Variants in PIAS3 observed in about 807,000 individuals in gnomAD.
The protein encoded by PIAS3 is E3 SUMO-protein ligase PIAS3.
Under a neutral mutation model 67.6 loss-of-function variants are expected in PIAS3, and 34 were observed. The observed-to-expected ratio is 0.50, with a 90% CI of 0.38 to 0.67. The LOEUF is 0.67. PIAS3 is among the 30% of genes least tolerant of loss of function. PIAS3 has a pLI of 0.00. For missense variants in PIAS3, 693 were observed against 791.6 expected, an observed-to-expected ratio of 0.88 and a Z score of 1.49; for synonymous variants, 341 against 313.8, an observed-to-expected ratio of 1.09 and a Z score of -0.92.
Position 145,856,426 on chromosome 1 carries a change from T to A in PIAS3, c.448A>T (p.Thr150Ser), listed in dbSNP as rs1349315387. Residue 150 changes from threonine (T) to serine (S), a missense_variant, in exon 3 of 14, where the codon ACT becomes TCT. Thr to Ser is a moderately conservative substitution (Grantham distance 58, BLOSUM62 1). Transcript: ENST00000393045. Reference protein sequence around the residue: ...ELIRPTTLASTSSQRFEEAHF... With the variant: ...ELIRPTTLASSSSQRFEEAHF... Reference sequence around the variant, plus strand: ...GCTTCCTCAAACCGCTGGCTAGAAGTGGATGCTGAGGATACAAAGGGGCAG... The same window carrying A: ...GCTTCCTCAAACCGCTGGCTAGAAGAGGATGCTGAGGATACAAAGGGGCAG... 8.7e-6 allele frequency: 14 copies of A among 1,613,792 alleles called. No individual in the cohort carries two copies. The highest frequency in any genetic ancestry group is 1.2e-5 in the Non-Finnish European group (14 of 1,179,920).
At chr1:145,851,424 G>A (rs943391420) in intron 9 of PIAS3, 1 of 352,640 alleles carries the variant, frequency 2.8e-6, no homozygotes, top group African/African-American at 2.0e-5. Flanking sequence ...GGGAGGTACA[G>A]GCAGGTGAAT....
intron 9 of PIAS3, 157 bp from the exon 10 acceptor site, chr1:145,851,310 A>G: frequency 1.4e-6 from 1 of 728,770 alleles, no homozygotes; most frequent in Non-Finnish European, 2.4e-6. Context: ...GGAATCAAAT[A>G]ACACAAGGTA....
At chr1:145,851,239 TCA>T (rs1432718935) in intron 9 of PIAS3, 86 bp from the exon 10 acceptor site, 3 of 1,329,648 alleles carry the variant, frequency 2.3e-6, no homozygotes, top group East Asian at 4.6e-5. Flanking sequence ...TTCCTGTATC[TCA>T]GTTTCCTCAT....
chr1:145,853,419 A>AAG, intron 9 of PIAS3, 85 bp downstream of exon 9: 7 of 1,163,338 alleles, frequency 6.0e-6, no homozygotes, highest in Non-Finnish European at 6.0e-6. Flanking sequence ...CAAAAAAAAA[A>AAG]AAAAGAAAAG....
rs782679410 is a variant in PIAS3 at position 145,854,889 on chromosome 1, G to A, written c.670-9C>T. The A allele has an allele frequency of 3.3e-5, 53 of 1,613,952 alleles. No homozygotes were observed. The highest frequency in any genetic ancestry group is 1.6e-4 in the Middle Eastern group (1 of 6,070). The stretch of plus-strand genomic sequence containing the variant: ...GTTGGGGGAAGGTAACCCTGGAGAA[G>A]GGAGGGATTGGTCAGTGGAGAAGTG... On this transcript the variant is annotated splice_polypyrimidine_tract_variant and intron_variant, in intron 5 of 13. Transcript: ENST00000393045.
chr1:145,851,655 CA>C (rs1188623126), intron 9 of PIAS3, among the ~76,000 whole-genome samples: 120 of 41,810 alleles, frequency 2.9e-3, no homozygotes, highest in East Asian at 4.8e-3. Flanking sequence ...GGCTCTGCCT[CA>C]AAAAAAAAAA....
At position 145,848,526 on chromosome 1, in the gene PIAS3, A is replaced by G. The variant is rs587651169; in HGVS notation, c.*920T>C. The stretch of plus-strand genomic sequence containing the variant: ...CCCATCTCCATGACACTCACAGAAC[A>G]TTCACAACCTTTATTATGGGTGAGA... On this transcript the variant is annotated 3_prime_UTR_variant, in exon 14 of 14. Transcript: ENST00000393045. 1 of 1,271,070 alleles carries G rather than the reference A, an allele frequency of 7.9e-7. No individual in the cohort carries two copies. The highest frequency in any genetic ancestry group is 1.5e-5 in the African/African-American group (1 of 67,566). The allele number at this position is 1,271,070 out of a possible 1,614,324, so 78.7% of individuals were successfully genotyped here.
intron 13 of PIAS3, chr1:145,850,004 G>C (rs182983623): frequency 7.0e-7 from 1 of 1,437,178 alleles, no homozygotes; most frequent in African/African-American, 1.4e-5. Context: ...GGGGGTAGGG[G>C]TGAGTAGGCC....
intron 1 of PIAS3, among the ~76,000 whole-genome samples, chr1:145,858,479 T>C (rs904337444): frequency 1.4e-5 from 2 of 145,966 alleles, no homozygotes; most frequent in African/African-American, 2.6e-5. Context: ...AGCCTACTGG[T>C]ATTTCCCAAA....
At position 145,854,875 on chromosome 1, in the gene PIAS3, G is replaced by A; in HGVS notation, c.675C>T (p.Tyr225=). 1.9e-6 allele frequency: 3 copies of A among 1,614,174 alleles called. No individual in the cohort carries two copies. Among genetic ancestry groups the A allele is most frequent in the South Asian group, 1.1e-5 (1 of 91,082 alleles). Residue 225 remains tyrosine (Y), a synonymous_variant, in exon 6 of 14, where the codon TAC becomes TAT. Coordinates refer to ENST00000393045, the MANE Select transcript of PIAS3 (RefSeq NM_006099.3). The stretch of plus-strand genomic sequence containing the variant: ...CGGCCCCATTCTTGGTTGGGGGAAG[G>A]TAACCCTGGAGAAGGGAGGGATTGG... ...VNGKLCPLPG[Y]LPPTKNGAEP...
chr1:145,849,477 C>T lies in PIAS3; in HGVS notation c.1856G>A (p.Gly619Asp). 6.6e-7 allele frequency: 1 copy of T among 1,511,000 alleles called. No homozygotes were observed. 93.6% of individuals were successfully genotyped at this position (1,511,000 alleles called of 1,614,324 possible). A position where few individuals can be genotyped will look rare whatever the true frequency, so the allele number is the denominator to read the frequency against. The change falls in exon 14 of 14, where the codon GGC (glycine) becomes GAC (aspartate). Residue 619 changes from glycine (G) to aspartate (D), a missense_variant. This residue lies in a region of PIAS3 where 270 missense variants were observed against 261.0 expected (regional missense o/e 1.03). Coordinates refer to ENST00000393045, the MANE Select transcript of PIAS3 (RefSeq NM_006099.3). ...GPLPSGPSLT[G>D]CRSDIISLD is the part of the protein sequence containing the mutation. ...CAGGGAAATGATGTCTGACCGACAG[C>T]CAGTCAAAGAGGGACCTGAGGGCAG...
In PIAS3 at chr1:145,849,433, T is replaced by C. The variant is rs1553733539; in HGVS notation, c.*13A>G. On this transcript the variant is annotated 3_prime_UTR_variant, in exon 14 of 14. Transcript: ENST00000393045. The stretch of plus-strand genomic sequence containing the variant: ...GTGTTGGGGGACAGCGAAGTTTCCA[T>C]AATCCAGGGAACTCAGTCCAGGGAA... 8.1e-6 allele frequency: 12 copies of C among 1,481,286 alleles called. No homozygotes were observed. The highest frequency in any genetic ancestry group is 1.1e-5 in the Non-Finnish European group (12 of 1,120,876). 91.8% of individuals were successfully genotyped at this position (1,481,286 alleles called of 1,614,324 possible).
chr1:145,854,207 A>C (rs1653071078), intron 7 of PIAS3: 17 of 596,360 alleles, frequency 2.9e-5, no homozygotes, highest in Non-Finnish European at 4.8e-5. Context: ...CCCATATTCT[A>C]GCAGGGCTGG....
intron 9 of PIAS3, among the ~76,000 whole-genome samples, chr1:145,852,798 G>A (rs150820283): frequency 9.2e-4 from 140 of 152,122 alleles, no homozygotes; most frequent in African/African-American, 3.3e-3. Context: ...GGTCTACTAT[G>A]TTGCCCAGGC....
intron 9 of PIAS3, among the ~76,000 whole-genome samples, 163 bp downstream of exon 9, chr1:145,853,341 T>C (rs1570774912): frequency 7.0e-6 from 1 of 143,008 alleles, no homozygotes; most frequent in Admixed American, 7.1e-5. Context: ...ACCCGGGAGG[T>C]GGAGGTTGCA....
rs782315481 is a variant in PIAS3 at position 145,849,528 on chromosome 1, G to A, written c.1805C>T (p.Ala602Val). ...GGGTCCTCCATGCCCCTCCCTCAAG[G>A]CCCCCCCAGGGGCCACAATGCTGCT... ...RVSSIVAPGGALREGHGGPLP... is the reference protein window; with the variant it reads ...RVSSIVAPGGVLREGHGGPLP... Residue 602 changes from alanine to valine, a missense_variant, in exon 14 of 14, where the codon GCC (alanine) becomes GTC (valine). Ala to Val is a moderately conservative substitution (Grantham distance 64, BLOSUM62 0). This residue lies in a region of PIAS3 where 270 missense variants were observed against 261.0 expected (regional missense o/e 1.03). Transcript: ENST00000393045. 3.8e-6 allele frequency: 6 copies of A among 1,580,250 alleles called. No homozygotes were observed. The highest frequency in any genetic ancestry group is 5.1e-6 in the Non-Finnish European group (6 of 1,166,052).
At chr1:145,854,329 A>G in intron 7 of PIAS3, 129 bp downstream of exon 7, 2 of 665,860 alleles carry the variant, frequency 3.0e-6, no homozygotes, top group African/African-American at 1.8e-5. Context: ...GTAGAGGGGG[A>G]GGGTTGGGGT....
intron 11 of PIAS3, 90 bp from the exon 12 acceptor site, chr1:145,850,676 A>G (rs1478749419): frequency 1.3e-6 from 2 of 1,595,332 alleles, no homozygotes; most frequent in African/African-American, 2.7e-5. Context: ...TCCCCTCCAC[A>G]TTTCTCTTGC....
chr1:145,856,142 A>C, intron 3 of PIAS3, 24 bp from the exon 4 acceptor site: 4 of 1,606,494 alleles, frequency 2.5e-6, no homozygotes, highest in Non-Finnish European at 3.4e-6. Context: ...GGAGATGAAG[A>C]GATGTCAGCA....
Sources: allele counts gnomAD v4.1 joint callset (sites outside exome capture counted in the v4.1 genomes callset), GRCh38; gene constraint gnomAD v4.1.1; regional missense constraint gnomAD v4.1.1; transcripts MANE v1.5; gene names NCBI Gene and HGNC (gene_info 2026-07-23, HGNC 2026-07-21).